CNTNAP2: variants seen among roughly 807,000 people sequenced by gnomAD.
The protein encoded by CNTNAP2 is contactin-associated protein-like 2.
Under a neutral mutation model 155.2 loss-of-function variants are expected in CNTNAP2, and 98 were observed. The observed-to-expected ratio is 0.63, with a 90% confidence interval of 0.54 to 0.75. CNTNAP2 has a LOEUF of 0.75. Ranked by LOEUF, CNTNAP2 falls within the 30% of genes least tolerant of loss-of-function variation. The pLI, the probability that CNTNAP2 is intolerant of heterozygous loss-of-function variation, is 0.00. For synonymous variants in CNTNAP2, 651 were observed against 631.2 expected, an observed-to-expected ratio of 1.03 and a Z score of -0.47; for missense variants, 1,727 against 1,688.1, an observed-to-expected ratio of 1.02 and a Z score of -0.40.
chr7:147,035,655 G>T (rs1327850347), intron 3 of CNTNAP2, among the ~76,000 whole-genome samples: 9 of 152,138 alleles, frequency 5.9e-5, no homozygotes, highest in African/African-American at 2.2e-4. Context: ...CCTAGATTTA[G>T]TTACACAATA....
At chr7:146,238,262 G>T (rs1375393361) in intron 1 of CNTNAP2, among the ~76,000 whole-genome samples, 1 of 152,168 alleles carries the variant, frequency 6.6e-6, no homozygotes, top group Non-Finnish European at 1.5e-5. Flanking sequence ...AGGAACGAAT[G>T]GTTGTTGCTC....
chr7:147,835,427 T>C (rs1798618454), intron 13 of CNTNAP2, among the ~76,000 whole-genome samples: 1 of 152,132 alleles, frequency 6.6e-6, no homozygotes, highest in Non-Finnish European at 1.5e-5. Context: ...GTGGCCAAGA[T>C]AGTGGCCAAG....
chr7:147,536,274 T>C (rs1799535674), intron 11 of CNTNAP2, among the ~76,000 whole-genome samples: 1 of 152,242 alleles, frequency 6.6e-6, no homozygotes, highest in Non-Finnish European at 1.5e-5. Flanking sequence ...CAACAAATAT[T>C]TATTGAGCAT....
intron 15 of CNTNAP2, among the ~76,000 whole-genome samples, chr7:148,019,246 T>A (rs1286010628): frequency 1.3e-5 from 2 of 152,268 alleles, no homozygotes; most frequent in Non-Finnish European, 1.5e-5. Flanking sequence ...ATCTTCTAGG[T>A]TCCTCAGAGG....
chr7:148,275,930 A>T (rs914271705), intron 21 of CNTNAP2, among the ~76,000 whole-genome samples: 1 of 152,168 alleles, frequency 6.6e-6, no homozygotes, highest in African/African-American at 2.4e-5. Context: ...TACGGTTGTG[A>T]CATCTTTGGA....
chr7:146,969,867 G>T (rs1797745070), intron 3 of CNTNAP2, among the ~76,000 whole-genome samples: 2 of 152,084 alleles, frequency 1.3e-5, no homozygotes, highest in Non-Finnish European at 2.9e-5. Flanking sequence ...CAGAGATATA[G>T]ATCAATGGAA....
chr7:146,265,962 G>T (rs990004919), intron 1 of CNTNAP2, among the ~76,000 whole-genome samples: 2 of 151,886 alleles, frequency 1.3e-5, no homozygotes, highest in African/African-American at 4.8e-5. Flanking sequence ...GACCATGGAA[G>T]CCTAAAAGAA....
intron 1 of CNTNAP2, among the ~76,000 whole-genome samples, chr7:146,693,872 G>C (rs1360441101): frequency 6.6e-6 from 1 of 151,822 alleles, no homozygotes; most frequent in Non-Finnish European, 1.5e-5. Flanking sequence ...TTTTCCTAAT[G>C]CTCTCCCTCC....
Position 146,552,504 on chromosome 7 carries a change from C to T in CNTNAP2, c.98-221767C>T, listed in dbSNP as rs147003992. Among the ~76,000 whole-genome samples, 12 of 152,228 alleles carry T rather than the reference C, an allele frequency of 7.9e-5. No homozygotes were observed. The South Asian group carries it at 1.0e-3, about 13-fold the overall frequency. Reference sequence around the variant, plus strand: ...TGGATTTTTCTCACCTGGATTATTACGGCACACCTTTAAATTCCTGTTTTT... The same window carrying T: ...TGGATTTTTCTCACCTGGATTATTATGGCACACCTTTAAATTCCTGTTTTT... On this transcript the variant is annotated intron_variant, in intron 1 of 23. Coordinates refer to ENST00000361727, the MANE Select transcript of CNTNAP2 (RefSeq NM_014141.6).
intron 15 of CNTNAP2, among the ~76,000 whole-genome samples, chr7:148,101,500 C>A (rs1232513512): frequency 2.0e-5 from 3 of 152,014 alleles, no homozygotes; most frequent in African/African-American, 7.3e-5. Flanking sequence ...GAAATTTATT[C>A]CCCTGCATCT....
At chr7:146,491,095 A>C (rs10480364) in intron 1 of CNTNAP2, among the ~76,000 whole-genome samples, 2,379 of 151,950 alleles carry the variant, frequency 0.016, 68 homozygotes, top group African/African-American at 0.053. Flanking sequence ...AAGCCCCCCC[A>C]AAAAAAACAA....
chr7:146,391,270 A>G (rs1795540126), intron 1 of CNTNAP2, among the ~76,000 whole-genome samples: 2 of 151,790 alleles, frequency 1.3e-5, no homozygotes, highest in Admixed American at 1.3e-4. Context: ...TAACCAATAA[A>G]CAAAGCAGCC....
At position 148,400,837 on chromosome 7, in the gene CNTNAP2, G is replaced by A. The variant is rs145716529; in HGVS notation, c.3716-8554G>A. 1.7e-4 allele frequency among the ~76,000 whole-genome samples: 26 copies of A among 152,128 alleles called. No homozygotes were observed. In the East Asian group the frequency reaches 4.5e-3, roughly 26 times the overall value. On this transcript the variant is annotated intron_variant, in intron 22 of 23. Transcript: ENST00000361727. ...TCTACTAAAAATACAAAAATTAGCCGGGCATGGTGGCGCATGCCTGTAATT... is the reference window on the plus strand; with the variant it reads ...TCTACTAAAAATACAAAAATTAGCCAGGCATGGTGGCGCATGCCTGTAATT...
chr7:147,139,941 C>T (rs188073996), intron 8 of CNTNAP2, among the ~76,000 whole-genome samples: 227 of 152,146 alleles, frequency 1.5e-3, no homozygotes, highest in African/African-American at 5.1e-3. Context: ...CATCTGCAAT[C>T]ATGACTACAT....
intron 1 of CNTNAP2, among the ~76,000 whole-genome samples, chr7:146,506,901 G>T (rs1304302354): frequency 3.9e-5 from 6 of 152,158 alleles, no homozygotes; most frequent in African/African-American, 1.4e-4. Flanking sequence ...GCCTCATCAG[G>T]AATGGGAGGT....
chr7:147,039,624 A>G (rs1361970892), intron 3 of CNTNAP2, among the ~76,000 whole-genome samples: 1 of 152,196 alleles, frequency 6.6e-6, no homozygotes, highest in Non-Finnish European at 1.5e-5. Flanking sequence ...GAATAGTGCC[A>G]GAGTGAACAT....
At chr7:146,145,405 C>G (rs957946125) in intron 1 of CNTNAP2, among the ~76,000 whole-genome samples, 5 of 152,126 alleles carry the variant, frequency 3.3e-5, no homozygotes, top group Non-Finnish European at 7.3e-5. Context: ...CCAAACCAAA[C>G]TGGGGTGCTA....
At chr7:147,328,589 A>G (rs1206659900) in intron 9 of CNTNAP2, among the ~76,000 whole-genome samples, 1 of 152,224 alleles carries the variant, frequency 6.6e-6, no homozygotes, top group African/African-American at 2.4e-5. Flanking sequence ...TAATTCTTAA[A>G]CTGATAATTT....
chr7:148,304,858 C>T (rs1428628047), intron 21 of CNTNAP2, among the ~76,000 whole-genome samples: 1 of 152,022 alleles, frequency 6.6e-6, no homozygotes, highest in African/African-American at 2.4e-5. Context: ...GGTTTACTGG[C>T]TTTGGATAGA....
Sources: allele counts gnomAD v4.1 joint callset (sites outside exome capture counted in the v4.1 genomes callset), GRCh38; gene constraint gnomAD v4.1.1; transcripts MANE v1.5; gene names NCBI Gene and HGNC (gene_info 2026-07-23, HGNC 2026-07-21).